Variants in PRLR observed in about 807,000 individuals in gnomAD.
PRLR encodes prolactin receptor.
A neutral mutation model predicts 40.2 loss-of-function variants in PRLR; 13 were observed. That is an observed-to-expected ratio of 0.32 (90% CI 0.21 to 0.51). The LOEUF (loss-of-function observed/expected upper bound fraction) is 0.51. PRLR is among the 20% of genes least tolerant of loss of function. PRLR has a pLI of 0.97. For missense variants in PRLR, 656 were observed against 747.3 expected, an observed-to-expected ratio of 0.88 and a Z score of 1.42; for synonymous variants, 269 against 278.7, an observed-to-expected ratio of 0.97 and a Z score of 0.35.
chr5:35,192,376 C>G (rs1327884360), intron 1 of PRLR, among the ~76,000 whole-genome samples: 1 of 152,190 alleles, frequency 6.6e-6, no homozygotes, highest in Non-Finnish European at 1.5e-5. Flanking sequence ...TCTCCCCCAC[C>G]TCTTAATTCT....
At chr5:35,205,818 G>A (rs538627046) in intron 1 of PRLR, among the ~76,000 whole-genome samples, 1 of 152,166 alleles carries the variant, frequency 6.6e-6, no homozygotes, top group Non-Finnish European at 1.5e-5. Flanking sequence ...TATTGAACTA[G>A]GACATGTCAT....
intron 1 of PRLR, among the ~76,000 whole-genome samples, chr5:35,200,360 G>A (rs1775846689): frequency 6.6e-6 from 1 of 152,194 alleles, no homozygotes; most frequent in Non-Finnish European, 1.5e-5. Context: ...GTTGCTCTAG[G>A]ATGAGAGAAA....
chr5:35,118,110 G>C lies in PRLR; in HGVS notation c.-93C>G, dbSNP rs1304163397. The C allele has an allele frequency of 1.0e-6, 1 of 985,378 alleles. No individual in the cohort carries two copies. Among genetic ancestry groups the C allele is most frequent in the East Asian group, 1.1e-4 (1 of 8,810 alleles). 61.0% of individuals were successfully genotyped at this position (985,378 alleles called of 1,614,324 possible). ...CCTCAGTGTTCGCCTCCATGAATAG[G>C]AGAGTTCTTTAGCTGAAAGAGGAAA... On this transcript the variant is annotated 5_prime_UTR_variant, in exon 2 of 10. Transcript: ENST00000618457.
intron 1 of PRLR, among the ~76,000 whole-genome samples, chr5:35,140,333 C>G (rs1417188366): frequency 6.6e-6 from 1 of 152,160 alleles, no homozygotes; most frequent in Admixed American, 6.6e-5. Context: ...CTGTAATAAT[C>G]CTTTTGAGTA....
chr5:35,156,899 G>A (rs756323477), intron 1 of PRLR, among the ~76,000 whole-genome samples: 2 of 152,006 alleles, frequency 1.3e-5, no homozygotes, highest in Non-Finnish European at 2.9e-5. Flanking sequence ...TACACATGCT[G>A]GGTGGGTCTG....
At chr5:35,146,904 G>T (rs562317201) in intron 1 of PRLR, among the ~76,000 whole-genome samples, 1 of 152,080 alleles carries the variant, frequency 6.6e-6, no homozygotes, top group East Asian at 1.9e-4. Context: ...AGATGGAAGT[G>T]GAGTTATCTA....
intron 1 of PRLR, among the ~76,000 whole-genome samples, chr5:35,164,974 C>A (rs1774779530): frequency 6.6e-6 from 1 of 152,140 alleles, no homozygotes; most frequent in Non-Finnish European, 1.5e-5. Context: ...GGATGGTCCA[C>A]TTACGAATGA....
intron 2 of PRLR, among the ~76,000 whole-genome samples, chr5:35,106,966 A>G (rs1410169567): frequency 6.6e-6 from 1 of 152,218 alleles, no homozygotes; most frequent in Non-Finnish European, 1.5e-5. Context: ...AATTGACCAC[A>G]TAGTTGGAAG....
At chr5:35,102,461 GTCCCA>G (rs1485102585) in intron 2 of PRLR, among the ~76,000 whole-genome samples, 1 of 140,526 alleles carries the variant, frequency 7.1e-6, no homozygotes, top group African/African-American at 2.7e-5. Context: ...TTCCTTTCCT[GTCCCA>G]TCCCGTCCCG....
intron 1 of PRLR, among the ~76,000 whole-genome samples, chr5:35,201,118 G>T (rs1400287716): frequency 6.6e-6 from 1 of 152,148 alleles, no homozygotes; most frequent in Non-Finnish European, 1.5e-5. Flanking sequence ...ATTAAATGGT[G>T]ACAATAAAGA....
intron 1 of PRLR, among the ~76,000 whole-genome samples, chr5:35,123,863 A>T (rs1773372349): frequency 6.6e-6 from 1 of 152,188 alleles, no homozygotes; most frequent in Non-Finnish European, 1.5e-5. Context: ...GAGGCTTTAA[A>T]CGTGGAAACT....
chr5:35,078,929 A>C, intron 5 of PRLR, among the ~76,000 whole-genome samples: 1 of 152,238 alleles, frequency 6.6e-6, no homozygotes, highest in Non-Finnish European at 1.5e-5. Flanking sequence ...AATGTAATCC[A>C]TCATAGAAAC....
intron 9 of PRLR, among the ~76,000 whole-genome samples, chr5:35,066,519 G>A (rs558747967): frequency 5.1e-4 from 78 of 152,156 alleles, no homozygotes; most frequent in African/African-American, 1.7e-3. Flanking sequence ...GCAATAGTAA[G>A]TGGATTCTTG....
chr5:35,154,503 G>T (rs1774429936), intron 1 of PRLR, among the ~76,000 whole-genome samples: 1 of 152,100 alleles, frequency 6.6e-6, no homozygotes, highest in Non-Finnish European at 1.5e-5. Flanking sequence ...ACTCTAGTGA[G>T]GTTGCAGAGA....
intron 1 of PRLR, among the ~76,000 whole-genome samples, chr5:35,168,205 C>T (rs1225341400): frequency 3.3e-5 from 5 of 151,800 alleles, no homozygotes; most frequent in Admixed American, 2.0e-4. Context: ...CCAAAATATA[C>T]AAAGCAAAAA....
intron 2 of PRLR, among the ~76,000 whole-genome samples, chr5:35,097,782 G>A (rs749092300): frequency 6.6e-6 from 1 of 152,098 alleles, no homozygotes; most frequent in Non-Finnish European, 1.5e-5. Context: ...CATCATGCCT[G>A]GGCACCACTG....
In PRLR at chr5:35,230,389, GGAGT is replaced by G. The variant is rs1333604760; in HGVS notation, c.-231_-228del. On this transcript the variant is annotated 5_prime_UTR_variant, in exon 1 of 10. Transcript: ENST00000618457. ...CGGTAAAATCCAGAAAGAGGGAGAA[GGAGT>G]GAGTAAGGCAGAAAGCCCAGCCCAG... 3.3e-5 allele frequency: 5 copies of G among 152,296 alleles called. No homozygotes were observed. The highest frequency in any genetic ancestry group is 1.2e-4 in the African/African-American group (5 of 41,454). The allele number at this position is 152,296 out of a possible 1,614,324, so 9.4% of individuals were successfully genotyped here.
At chr5:35,189,910 C>A (rs778193591) in intron 1 of PRLR, among the ~76,000 whole-genome samples, 68 of 152,174 alleles carry the variant, frequency 4.5e-4, no homozygotes, top group Non-Finnish European at 8.4e-4. Flanking sequence ...AGCCGCACAG[C>A]TTTGGGGCAG....
chr5:35,145,122 A>T (rs188552058), intron 1 of PRLR, among the ~76,000 whole-genome samples: 2 of 152,352 alleles, frequency 1.3e-5, no homozygotes, highest in East Asian at 3.9e-4. Context: ...TAGTTCTCAC[A>T]TCAGCCTGGT....
Sources: gnomAD v4.1 joint callset for allele counts (sites outside exome capture counted in the v4.1 genomes callset) on GRCh38, gnomAD v4.1.1 for gene constraint, MANE v1.5 for transcripts, NCBI Gene and HGNC (gene_info 2026-07-23, HGNC 2026-07-21) for gene names.